Variants in CFAP54 observed in about 807,000 individuals in gnomAD.
CFAP54 encodes cilia- and flagella-associated protein 54.
CFAP54 carries 290 observed loss-of-function variants against 370.4 expected under a neutral mutation model. The ratio of observed to expected loss-of-function variants is 0.78; its 90% confidence interval spans 0.71 to 0.86. The LOEUF (loss-of-function observed/expected upper bound fraction) is 0.86, where lower values mean the gene tolerates loss of function less well. Ranked by LOEUF, CFAP54 falls within the 40% of genes least tolerant of loss-of-function variation. The pLI is 0.00. For missense variants in CFAP54, 3,399 were observed against 3,528.7 expected (o/e 0.96, Z 0.93); for synonymous variants, 1,206 against 1,236.5 (o/e 0.98, Z 0.52).
intron 15 of CFAP54, among the ~76,000 whole-genome samples, chr12:96,550,115 A>G (rs1046415316): frequency 6.6e-6 from 1 of 152,222 alleles, no homozygotes; most frequent in East Asian, 1.9e-4. Flanking sequence ...TATGGCAACT[A>G]AAAGATTATT....
intron 66 of CFAP54, among the ~76,000 whole-genome samples, chr12:96,835,879 C>T (rs1032918136): frequency 1.3e-5 from 2 of 152,094 alleles, no homozygotes; most frequent in African/African-American, 2.4e-5. Flanking sequence ...GGTGTGATGG[C>T]AGTGGTAGGC....
At chr12:96,846,728 G>C (rs1443702110) in intron 66 of CFAP54, among the ~76,000 whole-genome samples, 1 of 152,190 alleles carries the variant, frequency 6.6e-6, no homozygotes, top group Non-Finnish European at 1.5e-5. Flanking sequence ...CCTTGGCTGA[G>C]CCTGGAATAG....
chr12:96,616,241 T>C (rs1956415869), intron 26 of CFAP54, among the ~76,000 whole-genome samples: 1 of 152,276 alleles, frequency 6.6e-6, no homozygotes, highest in Admixed American at 6.5e-5. Context: ...AAACCATCAT[T>C]CTCAGCAAAC....
At position 96,658,608 on chromosome 12, in the gene CFAP54, C is replaced by G. The variant is rs574244199; in HGVS notation, c.5460+262C>G. ...GCACAATGGGGATGGTGTCTAGAGCCCAGAGTACTTTTTTTTTTTGTTTTT... is the reference window on the plus strand; with the variant it reads ...GCACAATGGGGATGGTGTCTAGAGCGCAGAGTACTTTTTTTTTTTGTTTTT... On this transcript the variant is annotated intron_variant, in intron 38 of 67. Coordinates refer to ENST00000524981, the MANE Select transcript of CFAP54 (RefSeq NM_001306084.2). Among the ~76,000 whole-genome samples, 496 of 149,700 alleles carry G rather than the reference C, an allele frequency of 3.3e-3. 4 individuals carry two copies. Among genetic ancestry groups the G allele is most frequent in the African/African-American group, 0.011 (471 of 41,226 alleles).
At chr12:96,797,512 T>C (rs1332604690) in intron 63 of CFAP54, among the ~76,000 whole-genome samples, 1 of 152,138 alleles carries the variant, frequency 6.6e-6, no homozygotes, top group East Asian at 1.9e-4. Context: ...GGCTGTGTTC[T>C]TGGGTGCAAT....
At position 96,513,030 on chromosome 12, in the gene CFAP54, G is replaced by A; in HGVS notation, c.784G>A (p.Gly262Ser). 6.6e-7 allele frequency: 1 copy of A among 1,514,760 alleles called. No individual in the cohort carries two copies. Among genetic ancestry groups the A allele is most frequent in the East Asian group, 2.5e-5 (1 of 39,906 alleles). The allele number at this position is 1,514,760 out of a possible 1,614,324, so 93.8% of individuals were successfully genotyped here. Residue 262 changes from glycine (G) to serine (S), a missense_variant, in exon 5 of 68, where the codon GGT becomes AGT. Physicochemically the swap from Gly to Ser is moderately conservative, Grantham distance 56. Around this residue, in one of 3 missense-constraint regions of CFAP54, gnomAD observed 559 missense variants for 576.7 expected, o/e 0.97. Transcript: ENST00000524981. ...CATTTGCAGAAAACTGATGGTCATAGGTCAGTCTTCCAAGGTATGAAATGT... is the reference window on the plus strand; with the variant it reads ...CATTTGCAGAAAACTGATGGTCATAAGTCAGTCTTCCAAGGTATGAAATGT... Reference protein sequence around the residue: ...YTICRKLMVIGQSSKALEYLL... With the variant: ...YTICRKLMVISQSSKALEYLL...
chr12:96,760,139 G>A (rs1958318312), intron 58 of CFAP54, among the ~76,000 whole-genome samples: 1 of 152,128 alleles, frequency 6.6e-6, no homozygotes, highest in Non-Finnish European at 1.5e-5. Context: ...GGGCAAAGTA[G>A]GGACTAATGC....
intron 66 of CFAP54, among the ~76,000 whole-genome samples, chr12:96,841,547 A>G (rs567093065): frequency 1.8e-4 from 28 of 152,346 alleles, no homozygotes; most frequent in Admixed American, 3.3e-4. Context: ...ATAAAGAAGA[A>G]GCAGGTGTGA....
chr12:96,779,982 A>ATTATATATG (rs1207465162), intron 60 of CFAP54, among the ~76,000 whole-genome samples: 25 of 152,234 alleles, frequency 1.6e-4, no homozygotes, highest in Admixed American at 7.9e-4. Flanking sequence ...GCTTTTGCAT[A>ATTATATATG]GTTTTTGGGG....
At chr12:96,828,074 A>T (rs560226475) in intron 65 of CFAP54, among the ~76,000 whole-genome samples, 3 of 129,594 alleles carry the variant, frequency 2.3e-5, no homozygotes, top group South Asian at 2.2e-4. Flanking sequence ...ATATATAATT[A>T]TATATTATAT....
chr12:96,658,266 C>G lies in CFAP54; in HGVS notation c.5380C>G (p.Leu1794Val). ...PLLVYAQRQL[L>V]LRIQKFKGPD... ...TCTGGTGTATGCACAGCGCCAGCTTCTGCTGAGAATACAGAAGTTCAAGGG... is the reference window on the plus strand; with the variant it reads ...TCTGGTGTATGCACAGCGCCAGCTTGTGCTGAGAATACAGAAGTTCAAGGG... The change falls in exon 38 of 68, where the codon CTG becomes GTG. Residue 1794 changes from leucine to valine, a missense_variant. Physicochemically the swap from Leu to Val is conservative, Grantham distance 32. Transcript: ENST00000524981. 3 of 1,614,096 alleles carry G rather than the reference C, an allele frequency of 1.9e-6. No homozygotes were observed. The highest frequency in any genetic ancestry group is 2.5e-6 in the Non-Finnish European group (3 of 1,179,978).
intron 26 of CFAP54, among the ~76,000 whole-genome samples, chr12:96,617,776 G>A (rs2136461754): frequency 1.3e-5 from 2 of 152,232 alleles, no homozygotes; most frequent in Middle Eastern, 6.8e-3. Flanking sequence ...TGATCACGAG[G>A]TCAGGAGATC....
At chr12:96,491,487 G>T (rs1036443603) in intron 1 of CFAP54, among the ~76,000 whole-genome samples, 2 of 152,166 alleles carry the variant, frequency 1.3e-5, no homozygotes, top group African/African-American at 4.8e-5. Flanking sequence ...ATAGCTAAGG[G>T]AGTGTGTGTG....
chr12:96,558,701 C>G (rs537140155), intron 17 of CFAP54, among the ~76,000 whole-genome samples: 1 of 152,200 alleles, frequency 6.6e-6, no homozygotes, highest in South Asian at 2.1e-4. Context: ...AGACCCCTCT[C>G]TCTCTCACCA....
At chr12:96,692,559 G>C (rs919443739) in intron 44 of CFAP54, among the ~76,000 whole-genome samples, 1 of 152,158 alleles carries the variant, frequency 6.6e-6, no homozygotes, top group Non-Finnish European at 1.5e-5. Flanking sequence ...TGCATTAATT[G>C]TGGAAAAAGG....
At chr12:96,615,907 A>T (rs1457833297) in intron 26 of CFAP54, among the ~76,000 whole-genome samples, 9 of 152,288 alleles carry the variant, frequency 5.9e-5, no homozygotes, top group East Asian at 1.9e-4. Context: ...ACTTTTACAC[A>T]GTTGGTGGGA....
chr12:96,763,848 A>C (rs1433808776), intron 58 of CFAP54, among the ~76,000 whole-genome samples: 1 of 152,202 alleles, frequency 6.6e-6, no homozygotes, highest in Non-Finnish European at 1.5e-5. Context: ...GAAAATTAGA[A>C]AAAAATGATA....
intron 15 of CFAP54, among the ~76,000 whole-genome samples, chr12:96,549,238 G>A (rs1955670616): frequency 1.3e-5 from 2 of 152,124 alleles, no homozygotes; most frequent in South Asian, 4.1e-4. Context: ...GAGTAGGGCA[G>A]ACATAGAAAT....
At chr12:96,811,884 C>A in intron 64 of CFAP54, 42 bp downstream of exon 64, 1 of 1,203,512 alleles carries the variant, frequency 8.3e-7, no homozygotes, top group Non-Finnish European at 1.1e-6. Context: ...TTGTTGTTAT[C>A]TCTCACGAGA....
Sources: allele counts gnomAD v4.1 joint callset (sites outside exome capture counted in the v4.1 genomes callset), GRCh38; gene constraint gnomAD v4.1.1; regional missense constraint gnomAD v4.1.1; transcripts MANE v1.5; gene names NCBI Gene and HGNC (gene_info 2026-07-23, HGNC 2026-07-21).